The following DPP6 variants were observed in gnomAD, a reference collection of about 807,000 sequenced individuals.
DPP6 encodes dipeptidyl peptidase like 6.
DPP6 carries 69 observed loss-of-function variants against 122.6 expected under a neutral mutation model. The observed-to-expected ratio is 0.56, with a 90% CI of 0.46 to 0.69. The LOEUF (loss-of-function observed/expected upper bound fraction) is 0.69, where lower values mean the gene tolerates loss of function less well. Ranked by LOEUF, DPP6 falls within the 30% of genes least tolerant of loss-of-function variation. The pLI, the probability that DPP6 is intolerant of heterozygous loss-of-function variation, is 0.00. For missense variants in DPP6, 928 were observed against 1,116.9 expected (o/e 0.83, Z 2.41); for synonymous variants, 418 against 433.1 (o/e 0.97, Z 0.43).
chr7:154,621,528 C>G lies in DPP6; in HGVS notation c.628-16293C>G, dbSNP rs866336628. Among the ~76,000 whole-genome samples, 7 of 150,622 alleles carry G rather than the reference C, an allele frequency of 4.6e-5. No individual in the cohort carries two copies. In the South Asian group the frequency reaches 1.5e-3, roughly 32 times the overall value. On this transcript the variant is annotated intron_variant, in intron 5 of 25. Transcript: ENST00000377770. ...GGATTACAGGCTCATGCCACCACAC[C>G]CAGCTAATTTTTGTATTTTTAGTAG... is the stretch of plus-strand genomic sequence containing the variant.
At chr7:154,756,768 G>A (rs547054272) in intron 8 of DPP6, among the ~76,000 whole-genome samples, 1 of 152,228 alleles carries the variant, frequency 6.6e-6, no homozygotes, top group South Asian at 2.1e-4. Flanking sequence ...AGCTTGTTGT[G>A]ATACTTGATT....
intron 1 of DPP6, among the ~76,000 whole-genome samples, chr7:153,944,735 A>G (rs951391745): frequency 6.9e-6 from 1 of 144,866 alleles, no homozygotes. Flanking sequence ...TGTTCAAGCA[A>G]TTCTCCCACC....
chr7:154,082,022 C>T (rs1340251631), intron 1 of DPP6, among the ~76,000 whole-genome samples: 5 of 152,030 alleles, frequency 3.3e-5, no homozygotes, highest in African/African-American at 1.2e-4. Flanking sequence ...CAGAGACTGC[C>T]TTGGACTGTG....
chr7:154,320,001 A>AATATAT (rs71182894), intron 1 of DPP6, among the ~76,000 whole-genome samples: 2,548 of 139,146 alleles, frequency 0.018, 21 homozygotes, highest in Non-Finnish European at 0.024. Context: ...AAATATTTCA[A>AATATAT]ATATATATAT....
chr7:154,772,747 GT>G, intron 9 of DPP6, 97 bp from the exon 10 acceptor site: 3 of 1,509,326 alleles, frequency 2.0e-6, no homozygotes, highest in Non-Finnish European at 2.7e-6. Flanking sequence ...GTGTCCTGGA[GT>G]CCCACCTCGG....
intron 14 of DPP6, among the ~76,000 whole-genome samples, 166 bp from the exon 15 acceptor site, chr7:154,804,751 C>T (rs985113722): frequency 2.6e-5 from 4 of 152,350 alleles, no homozygotes; most frequent in African/African-American, 9.6e-5. Context: ...TGTCTGGCCA[C>T]CCCCTGCTCT....
intron 3 of DPP6, among the ~76,000 whole-genome samples, chr7:154,498,701 G>GT: frequency 6.6e-6 from 1 of 152,128 alleles, no homozygotes; most frequent in East Asian, 1.9e-4. Context: ...GGCTTCTAGA[G>GT]TAGGGTGTTC....
chr7:154,139,893 A>C (rs1317601727), intron 1 of DPP6, among the ~76,000 whole-genome samples: 1 of 152,164 alleles, frequency 6.6e-6, no homozygotes, highest in African/African-American at 2.4e-5. Context: ...TCTGTATGAG[A>C]GACAGAAATA....
chr7:154,872,482 A>G, intron 18 of DPP6, 142 bp from the exon 19 acceptor site: 2 of 1,341,970 alleles, frequency 1.5e-6, no homozygotes, highest in Non-Finnish European at 9.9e-7. Flanking sequence ...TCAGGATGAA[A>G]ACCCTGGGCC....
At chr7:154,664,059 G>A (rs34046193) in intron 6 of DPP6, among the ~76,000 whole-genome samples, 1 of 104,408 alleles carries the variant, frequency 9.6e-6, no homozygotes, top group African/African-American at 2.8e-5. Context: ...CGGCCGTAGT[G>A]TTCATATAGT....
chr7:154,730,892 T>C (rs1053610860), intron 8 of DPP6, among the ~76,000 whole-genome samples: 26 of 152,392 alleles, frequency 1.7e-4, no homozygotes, highest in African/African-American at 6.3e-4. Flanking sequence ...CACATTAAGC[T>C]TTTGCTTTAG....
intron 5 of DPP6, among the ~76,000 whole-genome samples, chr7:154,622,739 A>C (rs1834775530): frequency 6.6e-6 from 1 of 152,186 alleles, no homozygotes; most frequent in African/African-American, 2.4e-5. Flanking sequence ...GCAGTACTGC[A>C]GGGATTATGA....
At chr7:154,158,402 A>C (rs1020279949) in intron 1 of DPP6, among the ~76,000 whole-genome samples, 9 of 150,974 alleles carry the variant, frequency 6.0e-5, no homozygotes, top group Non-Finnish European at 1.2e-4. Context: ...CAGCCTGTCT[A>C]TTGGCTCTAA....
intron 1 of DPP6, among the ~76,000 whole-genome samples, chr7:154,440,867 C>A (rs1304466614): frequency 6.6e-6 from 1 of 152,128 alleles, no homozygotes; most frequent in African/African-American, 2.4e-5. Context: ...CTCAGCTGTC[C>A]CCGGGGTCCC....
intron 8 of DPP6, among the ~76,000 whole-genome samples, chr7:154,738,554 A>G (rs1050744300): frequency 6.6e-6 from 1 of 152,188 alleles, no homozygotes; most frequent in African/African-American, 2.4e-5. Context: ...TATTCTTCCG[A>G]CCTTTCTTAG....
intron 1 of DPP6, among the ~76,000 whole-genome samples, chr7:154,081,561 G>A (rs1423111959): frequency 2.0e-5 from 3 of 146,848 alleles, no homozygotes; most frequent in African/African-American, 7.8e-5. Flanking sequence ...GGTCACTGTG[G>A]CATGGAGTAG....
chr7:154,825,376 G>T (rs1274326375), intron 16 of DPP6, among the ~76,000 whole-genome samples: 1 of 152,196 alleles, frequency 6.6e-6, no homozygotes. Flanking sequence ...CAACAGAGTT[G>T]AGTAAGACAG....
At position 154,669,347 on chromosome 7, in the gene DPP6, G is replaced by C. The variant is rs1273073869; in HGVS notation, c.681-13G>C. ...CATTTTGCTTTGTTTTTGTTTGTTT[G>C]TTCAATTTTCAGGGATCCTCAAAGT... On this transcript the variant is annotated splice_polypyrimidine_tract_variant and intron_variant, in intron 6 of 25. Transcript: ENST00000377770. 3 of 1,552,460 alleles carry C rather than the reference G, an allele frequency of 1.9e-6. No individual in the cohort carries two copies. The highest frequency in any genetic ancestry group is 1.7e-6 in the Non-Finnish European group (2 of 1,147,384).
intron 16 of DPP6, among the ~76,000 whole-genome samples, chr7:154,850,930 T>A (rs1213641800): frequency 6.6e-6 from 1 of 152,196 alleles, no homozygotes; most frequent in Admixed American, 6.5e-5. Flanking sequence ...CGGTGTGTAA[T>A]GTTAAGATTT....
Sources: allele counts gnomAD v4.1 joint callset (sites outside exome capture counted in the v4.1 genomes callset), GRCh38; gene constraint gnomAD v4.1.1; transcripts MANE v1.5; gene names NCBI Gene and HGNC (gene_info 2026-07-23, HGNC 2026-07-21).